Variants in PCDHGA2 observed in about 807,000 individuals in gnomAD.
PCDHGA2 encodes protocadherin gamma-A2.
A neutral mutation model predicts 59.2 loss-of-function variants in PCDHGA2; 40 were observed. The ratio of observed to expected loss-of-function variants is 0.68; its 90% CI spans 0.52 to 0.88. PCDHGA2 has a LOEUF of 0.88. Among genes scored for constraint, PCDHGA2 ranks in the 40% least tolerant of loss-of-function variants. PCDHGA2 has a pLI of 0.00. For synonymous variants in PCDHGA2, 560 were observed against 526.0 expected, an observed-to-expected ratio of 1.06 and a Z score of -0.89; for missense variants, 1,226 against 1,204.0, an observed-to-expected ratio of 1.02 and a Z score of -0.27.
intron 1 of PCDHGA2, chr5:141,366,565 G>C: frequency 6.2e-7 from 1 of 1,614,252 alleles, no homozygotes; most frequent in Non-Finnish European, 8.5e-7. Flanking sequence ...GCGTGGATGG[G>C]GTTCGGGCTT....
intron 1 of PCDHGA2, among the ~76,000 whole-genome samples, chr5:141,353,204 C>A (rs780316002): frequency 5.9e-5 from 9 of 152,106 alleles, no homozygotes; most frequent in Non-Finnish European, 8.8e-5. Flanking sequence ...GCTAAAGAGA[C>A]CTGTTTCCTA....
At position 141,393,312 on chromosome 5, in the gene PCDHGA2, C is replaced by T. The variant is rs1308410982; in HGVS notation, c.2424+51917C>T. 8 of 1,613,494 alleles carry T rather than the reference C, an allele frequency of 5.0e-6. No homozygotes were observed. The East Asian group carries it at 8.9e-5, about 18-fold the overall frequency. On this transcript the variant is annotated intron_variant, in intron 1 of 3. Coordinates refer to ENST00000394576, the MANE Select transcript of PCDHGA2 (RefSeq NM_018915.4). ...TGACCCGGATGTGGGCGTGAACTCC[C>T]TCCAGAGCTACCAGCTCAGCCCCAA... is the stretch of plus-strand genomic sequence containing the variant.
chr5:141,432,264 C>A lies in PCDHGA2; in HGVS notation c.2425-62543C>A. On this transcript the variant is annotated intron_variant, in intron 1 of 3. Transcript: ENST00000394576. The surrounding 1 kb of genome is among the most constrained non-coding windows in gnomAD (Gnocchi z 6.0). Reference sequence around the variant, plus strand: ...AACACCATCCAAGGGGCAAGCCTATCGTCCTACGTGTCCATCAACTCCGAC... The same window carrying A: ...AACACCATCCAAGGGGCAAGCCTATAGTCCTACGTGTCCATCAACTCCGAC... 5 of 1,614,252 alleles carry A rather than the reference C, an allele frequency of 3.1e-6. No homozygotes were observed. Among genetic ancestry groups the A allele is most frequent in the Non-Finnish European group, 4.2e-6 (5 of 1,180,044 alleles).
In PCDHGA2 at chr5:141,340,059, G is replaced by C. The variant is rs1756902399; in HGVS notation, c.1088G>C (p.Gly363Ala). 6.2e-7 allele frequency: 1 copy of C among 1,614,012 alleles called. No homozygotes were observed. The change falls in exon 1 of 4, where the codon GGA becomes GCA. Residue 363 changes from glycine to alanine, a missense_variant. By Grantham distance (60) the Gly-to-Ala change is moderately conservative (BLOSUM62 0). Transcript: ENST00000394576. ...TCAGTTTCTGAAGACTCTCTTCCAG[G>C]AACCATAATTGGGCTTTTTAATGTA... ...TSSVSEDSLP[G>A]TIIGLFNVHD...
intron 2 of PCDHGA2, among the ~76,000 whole-genome samples, chr5:141,497,212 G>A (rs968445663): frequency 6.6e-6 from 1 of 150,900 alleles, no homozygotes; most frequent in Non-Finnish European, 1.5e-5. Flanking sequence ...AGTGTAATGG[G>A]GGGGGGAAGA....
intron 1 of PCDHGA2, chr5:141,355,971 A>G: frequency 6.2e-7 from 1 of 1,613,870 alleles, no homozygotes; most frequent in Non-Finnish European, 8.5e-7. Context: ...ACGTTCCTGT[A>G]GGCACTCGGC....
At chr5:141,465,792 T>A (rs1262092940) in intron 1 of PCDHGA2, among the ~76,000 whole-genome samples, 2 of 152,018 alleles carry the variant, frequency 1.3e-5, no homozygotes, top group Non-Finnish European at 2.9e-5. Flanking sequence ...TTTTTTTTTT[T>A]AAGAAACCCT....
At chr5:141,404,568 G>A (rs2094540345) in intron 1 of PCDHGA2, 1 of 1,613,868 alleles carries the variant, frequency 6.2e-7, no homozygotes, top group Non-Finnish European at 8.5e-7. Flanking sequence ...GACAGTGGAA[G>A]CCCACCACTT....
At chr5:141,419,570 G>T in intron 1 of PCDHGA2, 1 of 1,611,766 alleles carries the variant, frequency 6.2e-7, no homozygotes. Context: ...GGGTCCCGAC[G>T]GCTCCGCGCT....
rs1437533706 is a variant in PCDHGA2, at chr5:141,511,419, G to C, written c.*246G>C. On this transcript the variant is annotated 3_prime_UTR_variant, in exon 4 of 4. Transcript: ENST00000394576. ...ATCCAATCAACTGCTGTACCCATGG[G>C]GGTAGTGGGGTTACTGTAGACACCA... The C allele has an allele frequency of 2.4e-6, 2 of 830,456 alleles. No individual in the cohort carries two copies. The highest frequency in any genetic ancestry group is 5.8e-5 in the East Asian group (2 of 34,260). 51.4% of individuals were successfully genotyped at this position (830,456 alleles called of 1,614,324 possible).
At chr5:141,387,607 AG>A in intron 1 of PCDHGA2, 2 of 547,806 alleles carry the variant, frequency 3.7e-6, no homozygotes, top group Non-Finnish European at 6.4e-6. Context: ...CAGAGGCTGT[AG>A]TTTCCTAGTG....
At chr5:141,510,155 C>G (rs1044168112) in intron 3 of PCDHGA2, among the ~76,000 whole-genome samples, 2 of 151,942 alleles carry the variant, frequency 1.3e-5, no homozygotes, top group African/African-American at 4.8e-5. Context: ...CACCTGTAAT[C>G]TCAGCTACTC....
rs572603287 is a variant in PCDHGA2 at position 141,477,037 on chromosome 5, G to T, written c.2425-17770G>T. 19 of 1,614,266 alleles carry T rather than the reference G, an allele frequency of 1.2e-5. No homozygotes were observed. In the East Asian group the frequency reaches 3.8e-4, roughly 32 times the overall value. Reference sequence around the variant, plus strand: ...TTGTAACCGGGATGCTGACAATCAAGGGTCGGCTGGACTTCGAGGACACCA... The same window carrying T: ...TTGTAACCGGGATGCTGACAATCAATGGTCGGCTGGACTTCGAGGACACCA... On this transcript the variant is annotated intron_variant, in intron 1 of 3. Transcript: ENST00000394576. The surrounding 1 kb of genome is among the most constrained non-coding windows in gnomAD (Gnocchi z 4.9).
In PCDHGA2 at chr5:141,485,629, C is replaced by G. The variant is rs1028146827; in HGVS notation, c.2425-9178C>G. The G allele has an allele frequency of 1.2e-6, 2 of 1,611,902 alleles. No individual in the cohort carries two copies. The highest frequency in any genetic ancestry group is 3.3e-5 in the Admixed American group (2 of 59,922). On this transcript the variant is annotated intron_variant, in intron 1 of 3. Coordinates refer to ENST00000394576, the MANE Select transcript of PCDHGA2 (RefSeq NM_018915.4). This position sits in a 1 kb window ranked among gnomAD's most constrained non-coding sequence, Gnocchi z 5.7. ...AGGCAGCTCCTCCAGGACAGCGTTTCCCGTTGGAAAAGGCTCAGGATGCAG... is the reference window on the plus strand; with the variant it reads ...AGGCAGCTCCTCCAGGACAGCGTTTGCCGTTGGAAAAGGCTCAGGATGCAG...
At position 141,487,128 on chromosome 5, in the gene PCDHGA2, G is replaced by A; in HGVS notation, c.2425-7679G>A. The A allele has an allele frequency of 6.2e-7, 1 of 1,614,086 alleles. No individual in the cohort carries two copies. ...GTCATTGTGGTAAAGGATAGTGGTA[G>A]TCCACCACTCTCTACCTCTGTTACT... is the stretch of plus-strand genomic sequence containing the variant. On this transcript the variant is annotated intron_variant, in intron 1 of 3. Transcript: ENST00000394576. This position sits in a 1 kb window ranked among gnomAD's most constrained non-coding sequence, Gnocchi z 5.0.
intron 1 of PCDHGA2, chr5:141,384,667 A>G: frequency 6.2e-7 from 1 of 1,614,186 alleles, no homozygotes. Context: ...CCTGGTGACC[A>G]AGGTGGTGGC....
chr5:141,425,221 C>T (rs2096862694), intron 1 of PCDHGA2, among the ~76,000 whole-genome samples: 1 of 152,068 alleles, frequency 6.6e-6, no homozygotes, highest in African/African-American at 2.4e-5. Context: ...TGTACTTTGA[C>T]TGGAATTAGT....
intron 1 of PCDHGA2, among the ~76,000 whole-genome samples, chr5:141,459,461 G>A (rs1217201752): frequency 6.6e-6 from 1 of 152,214 alleles, no homozygotes; most frequent in Non-Finnish European, 1.5e-5. Flanking sequence ...GGACATTTGA[G>A]TTGTGTCCAG....
In PCDHGA2 at chr5:141,485,589, A is replaced by G. The variant is rs1407992185; in HGVS notation, c.2425-9218A>G. 6.2e-7 allele frequency: 1 copy of G among 1,612,610 alleles called. No homozygotes were observed. Among genetic ancestry groups the G allele is most frequent in the Non-Finnish European group, 8.5e-7 (1 of 1,178,834 alleles). On this transcript the variant is annotated intron_variant, in intron 1 of 3. Coordinates refer to ENST00000394576, the MANE Select transcript of PCDHGA2 (RefSeq NM_018915.4). The surrounding 1 kb of genome is among the most constrained non-coding windows in gnomAD (Gnocchi z 5.7). Reference sequence around the variant, plus strand: ...CCCCGTTTTCCGCGGCAGCAGCTGGACTTGGAAATTGGGGAGGCAGCTCCT... The same window carrying G: ...CCCCGTTTTCCGCGGCAGCAGCTGGGCTTGGAAATTGGGGAGGCAGCTCCT...
Sources: allele counts gnomAD v4.1 joint callset (sites outside exome capture counted in the v4.1 genomes callset), GRCh38; gene constraint gnomAD v4.1.1; non-coding constraint Gnocchi (gnomAD v3.1); transcripts MANE v1.5; gene names NCBI Gene and HGNC (gene_info 2026-07-23, HGNC 2026-07-21).